CCNY: variants seen among roughly 807,000 people sequenced by gnomAD.
CCNY encodes cyclin Y, also known as cyclin-Y.
Under a neutral mutation model 42.8 loss-of-function variants are expected in CCNY, and 19 were observed. The ratio of observed to expected loss-of-function variants is 0.44; its 90% confidence interval spans 0.31 to 0.65. CCNY has a LOEUF of 0.65. CCNY is among the 30% of genes least tolerant of loss of function. The pLI, the probability that CCNY is intolerant of heterozygous loss-of-function variation, is 0.07. For missense variants in CCNY, 370 were observed against 437.3 expected (o/e 0.85, Z 1.37); for synonymous variants, 165 against 162.7 (o/e 1.01, Z -0.11).
chr10:35,543,342 T>C (rs1841043755), intron 7 of CCNY, among the ~76,000 whole-genome samples: 1 of 152,166 alleles, frequency 6.6e-6, no homozygotes, highest in Non-Finnish European at 1.5e-5. Context: ...AAGAGTCCTC[T>C]CCCAATGGAG....
intron 1 of CCNY, among the ~76,000 whole-genome samples, chr10:35,466,714 A>C (rs1839277627): frequency 6.6e-6 from 1 of 152,194 alleles, no homozygotes; most frequent in African/African-American, 2.4e-5. Context: ...AAAAGGGAGC[A>C]GTGTTAGGGT....
chr10:35,305,199 C>T (rs942691319), intron 3 of CCNY, among the ~76,000 whole-genome samples: 2 of 152,120 alleles, frequency 1.3e-5, no homozygotes, highest in Non-Finnish European at 2.9e-5. Flanking sequence ...CAAAAGTAAG[C>T]GTGCTTTTTA....
intron 1 of CCNY, among the ~76,000 whole-genome samples, chr10:35,458,653 T>A (rs1459706430): frequency 6.6e-6 from 1 of 152,180 alleles, no homozygotes; most frequent in Non-Finnish European, 1.5e-5. Context: ...GCAAAATAAG[T>A]ACTGTAATCT....
At position 35,337,142 on chromosome 10, in the gene CCNY, C is replaced by T. The variant is rs770251179; in HGVS notation, c.89C>T (p.Thr30Met). The T allele has an allele frequency of 3.2e-6, 5 of 1,586,578 alleles. No individual in the cohort carries two copies. The highest frequency in any genetic ancestry group is 1.2e-5 in the South Asian group (1 of 86,724). ...CGGCTGGAGTCCTACCGGCCAGACACGGACCTGAGCCGCGAGGACACGGGC... is the reference window on the plus strand; with the variant it reads ...CGGCTGGAGTCCTACCGGCCAGACATGGACCTGAGCCGCGAGGACACGGGC... ...HSRLESYRPD[T>M]DLSREDTGCN... The change falls in exon 1 of 10, where the codon ACG becomes ATG. Residue 30 changes from threonine (T) to methionine (M), a missense_variant. Thr to Met is a moderately conservative substitution (Grantham distance 81, BLOSUM62 -1). This residue lies in a region of CCNY where 136 missense variants were observed against 124.2 expected (regional missense o/e 1.09). Transcript: ENST00000374704.
At chr10:35,511,096 C>T (rs183104941) in intron 3 of CCNY, among the ~76,000 whole-genome samples, 1 of 152,318 alleles carries the variant, frequency 6.6e-6, no homozygotes, top group African/African-American at 2.4e-5. Context: ...CAGCTCATTG[C>T]CACACAGCAT....
chr10:35,308,040 C>T (rs1449050229), intron 3 of CCNY, among the ~76,000 whole-genome samples: 1 of 151,798 alleles, frequency 6.6e-6, no homozygotes, highest in Non-Finnish European at 1.5e-5. Flanking sequence ...TGGTCTGGTA[C>T]TCCTGACCTC....
Position 35,516,604 on chromosome 10 carries a change from C to G in CCNY, c.346C>G (p.Leu116Val), listed in dbSNP as rs1564442482. The G allele has an allele frequency of 7.5e-6, 12 of 1,603,600 alleles. No individual in the cohort carries two copies. Among genetic ancestry groups the G allele is most frequent in the Non-Finnish European group, 1.0e-5 (12 of 1,172,338 alleles). Residue 116 changes from leucine (L) to valine (V), a missense_variant, in exon 4 of 10, where the codon CTC becomes GTC. Physicochemically the swap from Leu to Val is conservative, Grantham distance 32. Around this residue, in one of 2 missense-constraint regions of CCNY, gnomAD observed 234 missense variants for 313.1 expected, o/e 0.75. Transcript: ENST00000374704. The stretch of plus-strand genomic sequence containing the variant: ...TGATAGCACAGTCAGTCAACCAAAC[C>G]TCAAGTATACAATTAAATGGTGGGT... ...LDDSTVSQPN[L>V]KYTIKCVALA...
chr10:35,546,138 C>T lies in CCNY; in HGVS notation c.580-6881C>T, dbSNP rs112179937. Among the ~76,000 whole-genome samples the T allele has an allele frequency of 3.4e-3, 512 of 152,326 alleles. 4 individuals carry two copies. Among genetic ancestry groups the T allele is most frequent in the African/African-American group, 0.012 (482 of 41,570 alleles). Reference sequence around the variant, plus strand: ...AACCTCAGCCGTATTGGAACATGCTCTAATCATCCAAACCAAACAGCTGAA... The same window carrying T: ...AACCTCAGCCGTATTGGAACATGCTTTAATCATCCAAACCAAACAGCTGAA... On this transcript the variant is annotated intron_variant, in intron 7 of 9. Coordinates refer to ENST00000374704, the MANE Select transcript of CCNY (RefSeq NM_145012.6).
At chr10:35,423,490 A>AG (rs1273139227) in intron 1 of CCNY, among the ~76,000 whole-genome samples, 3 of 151,104 alleles carry the variant, frequency 2.0e-5, no homozygotes, top group Non-Finnish European at 2.9e-5. Context: ...AAAAAAAAAA[A>AG]TTCTGCTGAA....
rs377210298 is a variant in CCNY, at chr10:35,410,461, A to G, written c.155-72943A>G. Among the ~76,000 whole-genome samples the G allele has an allele frequency of 3.9e-5, 6 of 152,332 alleles. No homozygotes were observed. The East Asian group carries it at 5.8e-4, about 15-fold the overall frequency. ...ACACATGTGATCACGGAAACACTGC[A>G]GATAAATTTTAAGAAATTGTTAACA... On this transcript the variant is annotated intron_variant, in intron 1 of 9. Transcript: ENST00000374704.
intron 3 of CCNY, among the ~76,000 whole-genome samples, chr10:35,289,073 A>G (rs566464143): frequency 1.3e-5 from 2 of 152,216 alleles, no homozygotes; most frequent in African/African-American, 4.8e-5. Context: ...CCATTTACTG[A>G]GGTTTTTAAA....
intron 7 of CCNY, among the ~76,000 whole-genome samples, chr10:35,532,418 A>T (rs981300473): frequency 1.3e-5 from 2 of 152,266 alleles, no homozygotes; most frequent in African/African-American, 4.8e-5. Context: ...CACACGGAGT[A>T]GGACTGCAGC....
chr10:35,352,618 G>A (rs1325104341), intron 1 of CCNY, among the ~76,000 whole-genome samples: 1 of 152,236 alleles, frequency 6.6e-6, no homozygotes. Flanking sequence ...CCTCCCTGCT[G>A]GATGCTGGGA....
At chr10:35,275,893 A>G (rs1835233884) in intron 3 of CCNY, among the ~76,000 whole-genome samples, 1 of 152,236 alleles carries the variant, frequency 6.6e-6, no homozygotes, top group Admixed American at 6.5e-5. Flanking sequence ...CCGGTTTAGC[A>G]GGGAAGGCAT....
At chr10:35,255,513 G>T (rs1376052046) in intron 3 of CCNY, among the ~76,000 whole-genome samples, 1 of 150,878 alleles carries the variant, frequency 6.6e-6, no homozygotes, top group Non-Finnish European at 1.5e-5. Context: ...GGTCAGGCTG[G>T]TCTTGAACTT....
Position 35,516,552 on chromosome 10 carries a change from C to T in CCNY, c.294C>T (p.Tyr98=), listed in dbSNP as rs1000875621. The change falls in exon 4 of 10, where the codon TAC becomes TAT. Residue 98 remains tyrosine, a synonymous_variant. Coordinates refer to ENST00000374704, the MANE Select transcript of CCNY (RefSeq NM_145012.6). ...CTCCAGGACAAATAGCAAGGAAATA[C>T]AGTTCCTGCTCCACCATTTTCCTAG... ...HHPPGQIARK[Y]SSCSTIFLDD... is the part of the protein sequence containing the mutation. The T allele has an allele frequency of 4.3e-6, 7 of 1,610,044 alleles. No homozygotes were observed. Among genetic ancestry groups the T allele is most frequent in the Non-Finnish European group, 5.9e-6 (7 of 1,177,838 alleles).
At chr10:35,536,118 G>A (rs117276218) in intron 7 of CCNY, among the ~76,000 whole-genome samples, 2,011 of 152,266 alleles carry the variant, frequency 0.013, 22 homozygotes, top group Admixed American at 0.021. Context: ...GGACCTGGTG[G>A]GAGATAACTG....
intron 3 of CCNY, among the ~76,000 whole-genome samples, chr10:35,325,125 A>G (rs1196781860): frequency 6.6e-6 from 1 of 152,230 alleles, no homozygotes; most frequent in African/African-American, 2.4e-5. Context: ...TTAAAATTTG[A>G]TTTTAACTAA....
chr10:35,339,916 A>G (rs1376033677), intron 1 of CCNY, among the ~76,000 whole-genome samples: 5 of 152,340 alleles, frequency 3.3e-5, no homozygotes, highest in Admixed American at 1.3e-4. Context: ...TTCTTATAAA[A>G]TCATTCAGAG....
Sources: gnomAD v4.1 joint callset for allele counts (sites outside exome capture counted in the v4.1 genomes callset) on GRCh38, gnomAD v4.1.1 for gene constraint, gnomAD v4.1.1 regional missense constraint, MANE v1.5 for transcripts, NCBI Gene and HGNC (gene_info 2026-07-23, HGNC 2026-07-21) for gene names.